Variants in KCNC2 observed in about 807,000 individuals in gnomAD.
The protein encoded by KCNC2 is voltage-gated potassium channel KCNC2.
In KCNC2, 21 loss-of-function variants were observed where a neutral mutation model predicts 44.5. The ratio of observed to expected loss-of-function variants is 0.47; its 90% CI spans 0.33 to 0.68. The LOEUF is 0.68. Among genes scored for constraint, KCNC2 ranks in the 30% least tolerant of loss-of-function variants. The pLI is 0.01. For missense variants in KCNC2, 589 were observed against 826.2 expected (o/e 0.71, Z 3.52); for synonymous variants, 391 against 339.1 (o/e 1.15, Z -1.68).
chr12:75,095,379 A>C (rs1268659827), intron 2 of KCNC2, among the ~76,000 whole-genome samples: 2 of 151,650 alleles, frequency 1.3e-5, no homozygotes, highest in Non-Finnish European at 3.0e-5. Flanking sequence ...TGAAATTCTT[A>C]ATTTTTAATA....
At chr12:75,124,974 C>A (rs76122033) in intron 2 of KCNC2, 17,064 of 152,064 alleles carry the variant, frequency 0.11, 1,142 homozygotes, top group Middle Eastern at 0.23. Flanking sequence ...GGCGTTGTGG[C>A]GGGTGCCTGT....
rs1184447826 is a variant in KCNC2 at position 75,040,097 on chromosome 12, C to T, written c.*3008G>A. On this transcript the variant is annotated 3_prime_UTR_variant, in exon 5 of 5. Coordinates refer to ENST00000549446, the MANE Select transcript of KCNC2 (RefSeq NM_139137.4). Reference sequence around the variant, plus strand: ...AAGACAATAATTTGAGTAATTTAATCAGATAACATTCAAGTTTATCCCCAG... The same window carrying T: ...AAGACAATAATTTGAGTAATTTAATTAGATAACATTCAAGTTTATCCCCAG... The T allele has an allele frequency of 2.0e-5, 3 of 151,994 alleles. No homozygotes were observed. Among genetic ancestry groups the T allele is most frequent in the African/African-American group, 7.2e-5 (3 of 41,412 alleles). 9.4% of individuals were successfully genotyped at this position (151,994 alleles called of 1,614,324 possible).
intron 2 of KCNC2, among the ~76,000 whole-genome samples, chr12:75,161,020 G>T (rs551972295): frequency 6.0e-4 from 91 of 151,618 alleles, no homozygotes; most frequent in African/African-American, 2.2e-3. Flanking sequence ...TGTTGTATTT[G>T]CATTTATTAC....
At chr12:75,043,413 GT>G in intron 4 of KCNC2, 172 bp from the exon 5 acceptor site, 1 of 1,375,502 alleles carries the variant, frequency 7.3e-7, no homozygotes, top group Non-Finnish European at 9.4e-7. Context: ...GCTCACTGTA[GT>G]TGCCATTTTG....
chr12:75,053,170 C>A (rs1881368044), intron 2 of KCNC2, among the ~76,000 whole-genome samples: 1 of 152,070 alleles, frequency 6.6e-6, no homozygotes, highest in Non-Finnish European at 1.5e-5. Context: ...TTAATCTAAT[C>A]CCAATTTTAT....
intron 2 of KCNC2, among the ~76,000 whole-genome samples, chr12:75,199,183 A>G (rs896865387): frequency 6.6e-6 from 1 of 151,864 alleles, no homozygotes; most frequent in East Asian, 1.9e-4. Flanking sequence ...AAGAAAGACT[A>G]TCTTGGCCTT....
At chr12:75,184,218 G>A (rs754703881) in intron 2 of KCNC2, among the ~76,000 whole-genome samples, 8 of 151,902 alleles carry the variant, frequency 5.3e-5, no homozygotes, top group South Asian at 2.1e-4. Context: ...TCTGTGTGGC[G>A]TCATTAACTA....
chr12:75,105,700 C>T (rs1453074831), intron 2 of KCNC2, among the ~76,000 whole-genome samples: 1 of 152,018 alleles, frequency 6.6e-6, no homozygotes, highest in Non-Finnish European at 1.5e-5. Context: ...GTTTTTGGCC[C>T]ATACAAATCG....
chr12:75,040,971 A>C lies in KCNC2; in HGVS notation c.*2134T>G. 8.9e-6 allele frequency: 6 copies of C among 673,268 alleles called. No homozygotes were observed. Among genetic ancestry groups the C allele is most frequent in the South Asian group, 1.7e-5 (1 of 58,732 alleles). 41.7% of individuals were successfully genotyped at this position (673,268 alleles called of 1,614,324 possible). Reference sequence around the variant, plus strand: ...TGGTATTTACAGTTGTTTCATGGACACTGGCCAGTCTACAAGCAGAGCACT... The same window carrying C: ...TGGTATTTACAGTTGTTTCATGGACCCTGGCCAGTCTACAAGCAGAGCACT... On this transcript the variant is annotated 3_prime_UTR_variant, in exon 5 of 5. Coordinates refer to ENST00000549446, the MANE Select transcript of KCNC2 (RefSeq NM_139137.4).
At chr12:75,056,746 G>A (rs990480821) in intron 2 of KCNC2, among the ~76,000 whole-genome samples, 3 of 152,014 alleles carry the variant, frequency 2.0e-5, no homozygotes, top group Admixed American at 6.6e-5. Context: ...AAATAAAAAT[G>A]TCTGTCTCTG....
intron 2 of KCNC2, among the ~76,000 whole-genome samples, chr12:75,147,758 A>G (rs564962314): frequency 7.9e-5 from 12 of 152,122 alleles, no homozygotes; most frequent in Non-Finnish European, 7.4e-5. Flanking sequence ...TTCTTTCACC[A>G]CACTCAGACG....
At chr12:75,081,158 T>A (rs1241484826) in intron 2 of KCNC2, among the ~76,000 whole-genome samples, 1 of 152,124 alleles carries the variant, frequency 6.6e-6, no homozygotes, top group Non-Finnish European at 1.5e-5. Flanking sequence ...TCTTTAGCAA[T>A]TTTTTTCCCA....
intron 2 of KCNC2, among the ~76,000 whole-genome samples, chr12:75,054,301 G>T (rs1881507725): frequency 6.6e-6 from 1 of 151,586 alleles, no homozygotes; most frequent in Non-Finnish European, 1.5e-5. Context: ...TCATAATCTG[G>T]ATTCTAATCT....
At chr12:75,058,140 T>A (rs1268748324) in intron 2 of KCNC2, among the ~76,000 whole-genome samples, 1 of 152,030 alleles carries the variant, frequency 6.6e-6, no homozygotes, top group African/African-American at 2.4e-5. Flanking sequence ...TTAAGTATCA[T>A]GATGAAATTT....
intron 2 of KCNC2, among the ~76,000 whole-genome samples, chr12:75,200,878 TATGTTAGGC>T (rs1410925556): frequency 6.6e-6 from 1 of 151,810 alleles, no homozygotes; most frequent in African/African-American, 2.4e-5. Flanking sequence ...AACACTTAAA[TATGTTAGGC>T]ATAGTGTAAG....
intron 4 of KCNC2, among the ~76,000 whole-genome samples, chr12:75,046,560 T>G (rs139548640): frequency 1.8e-3 from 267 of 151,954 alleles, no homozygotes; most frequent in African/African-American, 5.8e-3. Context: ...ATTTAAGATA[T>G]TCAATGCACT....
intron 2 of KCNC2, among the ~76,000 whole-genome samples, chr12:75,058,876 T>C (rs1432010143): frequency 1.3e-5 from 2 of 152,092 alleles, no homozygotes; most frequent in African/African-American, 4.8e-5. Context: ...CCATATTACA[T>C]ATTAAGTTAG....
At chr12:75,188,245 C>T (rs1018319608) in intron 2 of KCNC2, among the ~76,000 whole-genome samples, 1 of 152,168 alleles carries the variant, frequency 6.6e-6, no homozygotes, top group Non-Finnish European at 1.5e-5. Flanking sequence ...TTACAGTAGA[C>T]TCTCTACAGC....
At chr12:75,130,781 T>C (rs867057132) in intron 2 of KCNC2, among the ~76,000 whole-genome samples, 1 of 122,624 alleles carries the variant, frequency 8.2e-6, no homozygotes, top group African/African-American at 2.8e-5. Flanking sequence ...CTCCTAGTAA[T>C]AAAAAAAAAA....
Sources: gnomAD v4.1 joint callset for allele counts (sites outside exome capture counted in the v4.1 genomes callset) on GRCh38, gnomAD v4.1.1 for gene constraint, MANE v1.5 for transcripts, NCBI Gene and HGNC (gene_info 2026-07-23, HGNC 2026-07-21) for gene names.